GULP1: variants seen among roughly 807,000 people sequenced by gnomAD.
GULP1 encodes the protein GULP PTB domain containing engulfment adaptor 1.
In GULP1, 19 loss-of-function variants were observed where a neutral mutation model predicts 40.9. That is an observed-to-expected ratio of 0.46 (90% confidence interval 0.32 to 0.68). The LOEUF is 0.68. Ranked by LOEUF, GULP1 falls within the 30% of genes least tolerant of loss-of-function variation. The pLI, the probability that GULP1 is intolerant of heterozygous loss-of-function variation, is 0.03. For synonymous variants in GULP1, 119 were observed against 117.6 expected (o/e 1.01, Z -0.08); for missense variants, 312 against 362.2 (o/e 0.86, Z 1.12).
At chr2:188,373,887 A>G (rs2047947081) in intron 1 of GULP1, among the ~76,000 whole-genome samples, 1 of 152,040 alleles carries the variant, frequency 6.6e-6, no homozygotes, top group African/African-American at 2.4e-5. Flanking sequence ...CACCTGTAAC[A>G]TATCACATTT....
intron 2 of GULP1, among the ~76,000 whole-genome samples, chr2:188,457,063 T>G (rs768905746): frequency 7.2e-5 from 11 of 152,192 alleles, no homozygotes; most frequent in Non-Finnish European, 1.2e-4. Context: ...TGTACCTTCA[T>G]TGTATCTAGG....
At chr2:188,406,842 A>C (rs923832841) in intron 2 of GULP1, among the ~76,000 whole-genome samples, 39 of 152,120 alleles carry the variant, frequency 2.6e-4, no homozygotes, top group Admixed American at 2.6e-3. Context: ...AAAGGAGAAG[A>C]AAAAGACAAA....
At chr2:188,482,762 T>G (rs2061539885) in intron 3 of GULP1, among the ~76,000 whole-genome samples, 2 of 151,580 alleles carry the variant, frequency 1.3e-5, no homozygotes, top group South Asian at 4.1e-4. Flanking sequence ...ATCCTTTTAT[T>G]TCTAATATTT....
intron 7 of GULP1, chr2:188,541,714 AT>A (rs1157984385): frequency 3.4e-6 from 1 of 292,158 alleles, no homozygotes; most frequent in Admixed American, 4.8e-5. Flanking sequence ...AATATGATGG[AT>A]TTTATGAAAA....
chr2:188,361,100 A>G (rs1017912410), intron 1 of GULP1, among the ~76,000 whole-genome samples: 1 of 152,124 alleles, frequency 6.6e-6, no homozygotes, highest in Non-Finnish European at 1.5e-5. Context: ...ATTAAATGCT[A>G]AATGTTACGT....
chr2:188,422,992 C>G (rs1220651737), intron 2 of GULP1, among the ~76,000 whole-genome samples: 2 of 152,162 alleles, frequency 1.3e-5, no homozygotes, highest in East Asian at 3.9e-4. Context: ...CTACCCAGAA[C>G]TTGAGATTTC....
intron 1 of GULP1, among the ~76,000 whole-genome samples, chr2:188,303,975 C>G (rs1202799098): frequency 6.6e-6 from 1 of 152,134 alleles, no homozygotes; most frequent in Non-Finnish European, 1.5e-5. Flanking sequence ...GGGCCCCCCT[C>G]TGCCCTTACA....
intron 6 of GULP1, among the ~76,000 whole-genome samples, chr2:188,536,042 A>G (rs752467365): frequency 5.9e-5 from 9 of 151,464 alleles, no homozygotes; most frequent in Non-Finnish European, 8.9e-5. Flanking sequence ...TAATATGGTT[A>G]TTTGTTTTTT....
At chr2:188,568,673 A>AAAT (rs1698354930) in intron 7 of GULP1, among the ~76,000 whole-genome samples, 1 of 152,156 alleles carries the variant, frequency 6.6e-6, no homozygotes, top group South Asian at 2.1e-4. Context: ...TTCAGATTGG[A>AAAT]ATTGCTCACT....
At position 188,561,542 on chromosome 2, in the gene GULP1, G is replaced by A. The variant is rs906720793; in HGVS notation, c.400-7697G>A. Among the ~76,000 whole-genome samples the A allele has an allele frequency of 2.0e-5, 3 of 152,166 alleles. No individual in the cohort carries two copies. In the South Asian group the frequency reaches 6.2e-4, roughly 31 times the overall value. On this transcript the variant is annotated intron_variant, in intron 7 of 11. Coordinates refer to ENST00000409830, the MANE Select transcript of GULP1 (RefSeq NM_016315.4). ...GTGCACTCAAGTGCCCAATGTGGTGGATTGGGTTGGGTAATCCACATGATC... is the reference window on the plus strand; with the variant it reads ...GTGCACTCAAGTGCCCAATGTGGTGAATTGGGTTGGGTAATCCACATGATC...
chr2:188,342,004 G>A (rs577739110), intron 1 of GULP1, among the ~76,000 whole-genome samples: 1 of 152,192 alleles, frequency 6.6e-6, no homozygotes, highest in African/African-American at 2.4e-5. Flanking sequence ...TGTGCTATAT[G>A]AGCAGATATA....
intron 4 of GULP1, among the ~76,000 whole-genome samples, chr2:188,499,332 C>A (rs910749627): frequency 2.7e-5 from 4 of 150,834 alleles, no homozygotes; most frequent in African/African-American, 9.7e-5. Flanking sequence ...AAGCAAATTC[C>A]TTTCAAATAC....
intron 2 of GULP1, among the ~76,000 whole-genome samples, chr2:188,433,100 C>G (rs1052938441): frequency 6.6e-6 from 1 of 152,008 alleles, no homozygotes; most frequent in South Asian, 2.1e-4. Flanking sequence ...TTTGAAGACT[C>G]TATATTTTAA....
chr2:188,477,032 A>G (rs897760433), intron 2 of GULP1, among the ~76,000 whole-genome samples: 3 of 152,122 alleles, frequency 2.0e-5, no homozygotes, highest in Non-Finnish European at 2.9e-5. Flanking sequence ...CAGAACAGGT[A>G]TTAAGAGGAC....
intron 1 of GULP1, among the ~76,000 whole-genome samples, chr2:188,348,889 T>A (rs1181842797): frequency 6.6e-6 from 1 of 152,204 alleles, no homozygotes; most frequent in Non-Finnish European, 1.5e-5. Flanking sequence ...AATAGTTGCC[T>A]AAGTATGAAC....
chr2:188,551,097 A>G (rs1331553548), intron 7 of GULP1, among the ~76,000 whole-genome samples: 1 of 151,668 alleles, frequency 6.6e-6, no homozygotes, highest in Non-Finnish European at 1.5e-5. Context: ...GTGATTTTTT[A>G]AGACAAACTT....
At chr2:188,350,759 G>C (rs2044343883) in intron 1 of GULP1, among the ~76,000 whole-genome samples, 2 of 151,810 alleles carry the variant, frequency 1.3e-5, no homozygotes, top group Non-Finnish European at 1.5e-5. Flanking sequence ...TTTGGTATCT[G>C]TTCCAATACA....
At chr2:188,463,519 A>G (rs1237949619) in intron 2 of GULP1, among the ~76,000 whole-genome samples, 2 of 152,092 alleles carry the variant, frequency 1.3e-5, no homozygotes, top group Non-Finnish European at 2.9e-5. Flanking sequence ...TTGGTGTTCT[A>G]TAACCTTCTT....
intron 5 of GULP1, among the ~76,000 whole-genome samples, chr2:188,523,277 A>T (rs1321758828): frequency 1.3e-5 from 2 of 152,174 alleles, no homozygotes; most frequent in African/African-American, 4.8e-5. Context: ...TATGTTAAAG[A>T]TTTCCTAATC....
Sources: allele counts gnomAD v4.1 joint callset (sites outside exome capture counted in the v4.1 genomes callset), GRCh38; gene constraint gnomAD v4.1.1; transcripts MANE v1.5; gene names NCBI Gene and HGNC (gene_info 2026-07-23, HGNC 2026-07-21).